Variants in SORCS2 observed in about 807,000 individuals in gnomAD.
SORCS2 encodes VPS10 domain-containing receptor SorCS2.
A neutral mutation model predicts 141.6 loss-of-function variants in SORCS2; 100 were observed. The ratio of observed to expected loss-of-function variants is 0.71; its 90% CI spans 0.60 to 0.83. The LOEUF is 0.83. Among genes scored for constraint, SORCS2 ranks in the 40% least tolerant of loss-of-function variants. SORCS2 has a pLI of 0.00. For missense variants in SORCS2, 1,646 were observed against 1,560.2 expected, an observed-to-expected ratio of 1.05 and a Z score of -0.93; for synonymous variants, 789 against 676.9, an observed-to-expected ratio of 1.17 and a Z score of -2.57.
intron 1 of SORCS2, among the ~76,000 whole-genome samples, chr4:7,337,523 G>A (rs1211687736): frequency 6.6e-6 from 1 of 152,088 alleles, no homozygotes; most frequent in Non-Finnish European, 1.5e-5. Context: ...TGAGGGCAGC[G>A]GAGACCTGGC....
At chr4:7,297,460 G>C (rs1455014014) in intron 1 of SORCS2, among the ~76,000 whole-genome samples, 1 of 152,098 alleles carries the variant, frequency 6.6e-6, no homozygotes, top group Non-Finnish European at 1.5e-5. Context: ...GATCGGAAGA[G>C]CTCTGGGGGT....
intron 2 of SORCS2, among the ~76,000 whole-genome samples, chr4:7,456,695 G>A (rs1259259520): frequency 1.3e-5 from 2 of 152,188 alleles, no homozygotes; most frequent in African/African-American, 2.4e-5. Context: ...GGGCACAGAG[G>A]AGATCTGAAC....
intron 1 of SORCS2, among the ~76,000 whole-genome samples, chr4:7,202,020 G>A (rs1176439088): frequency 3.9e-5 from 6 of 152,064 alleles, no homozygotes; most frequent in Admixed American, 3.9e-4. Flanking sequence ...TTGGATTCTG[G>A]GTGTAGAAGA....
intron 1 of SORCS2, among the ~76,000 whole-genome samples, chr4:7,357,364 A>C (rs1721321870): frequency 6.6e-6 from 1 of 152,170 alleles, no homozygotes; most frequent in South Asian, 2.1e-4. Flanking sequence ...TTTTCTAATG[A>C]AGGGAGAGAG....
intron 3 of SORCS2, among the ~76,000 whole-genome samples, chr4:7,572,021 G>C (rs1023297312): frequency 9.9e-5 from 15 of 152,240 alleles, no homozygotes; most frequent in African/African-American, 3.4e-4. Flanking sequence ...TCTGTGCTTT[G>C]CCCCTACGTA....
chr4:7,658,784 C>T (rs549337096), intron 5 of SORCS2, among the ~76,000 whole-genome samples: 26 of 152,308 alleles, frequency 1.7e-4, no homozygotes, highest in African/African-American at 5.5e-4. Flanking sequence ...TGGTGCCAGG[C>T]AGGTTGGGAG....
At chr4:7,587,886 G>T (rs1193365298) in intron 3 of SORCS2, among the ~76,000 whole-genome samples, 4 of 152,190 alleles carry the variant, frequency 2.6e-5, no homozygotes, top group African/African-American at 9.7e-5. Flanking sequence ...GAGTCCATTT[G>T]TCATCTCTGT....
intron 2 of SORCS2, among the ~76,000 whole-genome samples, chr4:7,484,778 GCCCTCCTGCACCCAGCCT>G (rs999175802): frequency 6.6e-5 from 10 of 151,760 alleles, no homozygotes; most frequent in East Asian, 1.9e-4. Flanking sequence ...CCTGCACCCA[GCCCTCCTGCACCCAGCCT>G]CCCTCCTGCA....
chr4:7,531,633 G>T lies in SORCS2; in HGVS notation c.648+4G>T. The T allele has an allele frequency of 6.2e-7, 1 of 1,612,046 alleles. No individual in the cohort carries two copies. The highest frequency in any genetic ancestry group is 8.5e-7 in the Non-Finnish European group (1 of 1,178,732). On this transcript the variant is annotated splice_donor_region_variant and intron_variant, in intron 3 of 26. Coordinates refer to ENST00000507866, the MANE Select transcript of SORCS2 (RefSeq NM_020777.3). ...CTGCCCGACCAACAAGAGGAAGGTA[G>T]GTGCTGGCTGGGGGTGGCCGCCACT... is the stretch of plus-strand genomic sequence containing the variant.
chr4:7,660,883 A>G (rs1722119018), intron 5 of SORCS2, among the ~76,000 whole-genome samples: 1 of 152,074 alleles, frequency 6.6e-6, no homozygotes, highest in African/African-American at 2.4e-5. Context: ...CACCAGGGGG[A>G]GGGCTGATGG....
chr4:7,368,899 G>A (rs1467691919), intron 1 of SORCS2, among the ~76,000 whole-genome samples: 1 of 152,158 alleles, frequency 6.6e-6, no homozygotes, highest in Non-Finnish European at 1.5e-5. Context: ...CACGAGATCT[G>A]ATGGTTTTAA....
chr4:7,270,441 A>C (rs1715045684), intron 1 of SORCS2, among the ~76,000 whole-genome samples: 1 of 152,138 alleles, frequency 6.6e-6, no homozygotes, highest in Non-Finnish European at 1.5e-5. Flanking sequence ...GCACCACCTG[A>C]TTATGATTTG....
intron 5 of SORCS2, among the ~76,000 whole-genome samples, chr4:7,660,511 G>A (rs1357704470): frequency 6.6e-6 from 1 of 152,240 alleles, no homozygotes; most frequent in Non-Finnish European, 1.5e-5. Flanking sequence ...CCCCAAAGGA[G>A]GCAGAGTCCC....
intron 1 of SORCS2, among the ~76,000 whole-genome samples, chr4:7,217,695 T>A (rs1728447162): frequency 6.6e-6 from 1 of 152,224 alleles, no homozygotes; most frequent in South Asian, 2.1e-4. Flanking sequence ...TGACTCGTTA[T>A]GTAGCTGTGT....
chr4:7,703,554 C>T (rs189520549), intron 13 of SORCS2, among the ~76,000 whole-genome samples, 183 bp downstream of exon 13: 231 of 152,222 alleles, frequency 1.5e-3, no homozygotes, highest in Middle Eastern at 3.4e-3. Flanking sequence ...CCTGAGGGGT[C>T]GTGGAGATGG....
chr4:7,504,094 C>G (rs1329070992), intron 2 of SORCS2, among the ~76,000 whole-genome samples: 2 of 152,314 alleles, frequency 1.3e-5, no homozygotes, highest in East Asian at 1.9e-4. Context: ...TCACTGCAGC[C>G]TGGGTGCCAG....
intron 1 of SORCS2, among the ~76,000 whole-genome samples, chr4:7,360,571 CTTTTTTTTTTTT>C (rs753548897): frequency 2.0e-5 from 1 of 49,272 alleles, no homozygotes; most frequent in Non-Finnish European, 3.2e-5. Context: ...CCAGTCCCTT[CTTTTTTTTTTTT>C]TTTTTTTTTT....
intron 2 of SORCS2, among the ~76,000 whole-genome samples, chr4:7,464,126 C>T (rs981182379): frequency 6.6e-6 from 1 of 152,154 alleles, no homozygotes; most frequent in Non-Finnish European, 1.5e-5. Context: ...CACACCTGGT[C>T]AGCCTGGAAC....
intron 3 of SORCS2, among the ~76,000 whole-genome samples, chr4:7,595,152 C>T (rs1231627160): frequency 5.3e-5 from 8 of 152,104 alleles, no homozygotes; most frequent in African/African-American, 1.9e-4. Flanking sequence ...TGTAGTAATT[C>T]GCCACACAGA....
Sources: gnomAD v4.1 joint callset for allele counts (sites outside exome capture counted in the v4.1 genomes callset) on GRCh38, gnomAD v4.1.1 for gene constraint, MANE v1.5 for transcripts, NCBI Gene and HGNC (gene_info 2026-07-23, HGNC 2026-07-21) for gene names.